Variants in TRPV5 observed in about 807,000 individuals in gnomAD.
TRPV5 encodes calcium transport protein 2.
Under a neutral mutation model 74.1 loss-of-function variants are expected in TRPV5, and 66 were observed. The observed-to-expected ratio is 0.89, with a 90% CI of 0.73 to 1.09. The LOEUF is 1.09. TRPV5 is among the 50% of genes least tolerant of loss of function. TRPV5 has a pLI of 0.00. For missense variants in TRPV5, 936 were observed against 930.4 expected (o/e 1.01, Z -0.08); for synonymous variants, 399 against 360.7 (o/e 1.11, Z -1.20).
chr7:142,920,975 C>T (rs1008636498), intron 8 of TRPV5, among the ~76,000 whole-genome samples: 1 of 151,972 alleles, frequency 6.6e-6, no homozygotes, highest in Non-Finnish European at 1.5e-5. Flanking sequence ...CTCCCTGGTT[C>T]TCCTCATCTC....
chr7:142,924,600 G>T (rs1293595803), intron 8 of TRPV5, among the ~76,000 whole-genome samples: 1 of 151,758 alleles, frequency 6.6e-6, no homozygotes, highest in Non-Finnish European at 1.5e-5. Flanking sequence ...TCCTAGTCCA[G>T]GCTGAGCTAT....
chr7:142,909,647 C>A, intron 13 of TRPV5, 51 bp from the exon 14 acceptor site: 1 of 1,584,826 alleles, frequency 6.3e-7, no homozygotes, highest in Non-Finnish European at 8.6e-7. Flanking sequence ...CCATGAGGTT[C>A]AAAGAGGCAC....
chr7:142,927,642 A>T (rs769663173), intron 7 of TRPV5, among the ~76,000 whole-genome samples: 8 of 152,162 alleles, frequency 5.3e-5, no homozygotes, highest in Non-Finnish European at 1.2e-4. Flanking sequence ...ACACTTTTAA[A>T]CAACCGGATC....
Position 142,914,635 on chromosome 7 carries a change from C to T in TRPV5, c.1519+5G>A, listed in dbSNP as rs981936252. On this transcript the variant is annotated splice_donor_5th_base_variant and intron_variant, in intron 12 of 14. Transcript: ENST00000265310. ...GATCTAGTAGAGGAGTGTATGGTGC[C>T]TTACCGGAGGCAAATCCCAAGATGA... 1.2e-6 allele frequency: 2 copies of T among 1,612,660 alleles called. No homozygotes were observed. Among genetic ancestry groups the T allele is most frequent in the Middle Eastern group, 1.6e-4 (1 of 6,062 alleles).
chr7:142,930,552 G>A lies in TRPV5; in HGVS notation c.129-106C>T, dbSNP rs577252078. On this transcript the variant is annotated intron_variant, in intron 1 of 14. Transcript: ENST00000265310. ...TTAAGACCAACGTGACTCACACAGC[G>A]TGCAGTGACAAATTGGAAAGAAGTG... 63 of 851,192 alleles carry A rather than the reference G, an allele frequency of 7.4e-5. No homozygotes were observed. In the Admixed American group the frequency reaches 8.1e-4, roughly 11 times the overall value. The allele number at this position is 851,192 out of a possible 1,614,324, so 52.7% of individuals were successfully genotyped here.
chr7:142,932,482 C>T (rs1223350626), intron 1 of TRPV5, among the ~76,000 whole-genome samples: 2 of 152,202 alleles, frequency 1.3e-5, no homozygotes, highest in Admixed American at 6.5e-5. Context: ...AAGATGAGGA[C>T]AGCAGGGCAT....
chr7:142,927,203 C>G (rs921924180), intron 7 of TRPV5, among the ~76,000 whole-genome samples: 3 of 152,170 alleles, frequency 2.0e-5, no homozygotes, highest in South Asian at 2.1e-4. Context: ...CTGGTCTATC[C>G]AAGCCAAGTT....
At chr7:142,914,605 C>T in intron 12 of TRPV5, 35 bp downstream of exon 12, 2 of 1,573,840 alleles carry the variant, frequency 1.3e-6, no homozygotes, top group Non-Finnish European at 1.7e-6. Context: ...AGAACTAGAT[C>T]TGCTGATCTA....
chr7:142,924,307 T>C (rs1390622919), intron 8 of TRPV5, among the ~76,000 whole-genome samples: 10 of 33,200 alleles, frequency 3.0e-4, no homozygotes, highest in African/African-American at 5.6e-4. Context: ...TATACATATA[T>C]ATATACACAC....
In TRPV5 at chr7:142,933,690, G is replaced by A. The variant is rs1796142127; in HGVS notation, c.-231C>T. On this transcript the variant is annotated 5_prime_UTR_variant, in exon 1 of 15. Transcript: ENST00000265310. ...GTGTGTGGCTGTGGTGTATGTGTGT[G>A]CATGCAGTGTGTGGTTGTGAGGTGG... 1.8e-6 allele frequency: 1 copy of A among 567,288 alleles called. No homozygotes were observed. Among genetic ancestry groups the A allele is most frequent in the Non-Finnish European group, 3.1e-6 (1 of 325,892 alleles). 35.1% of individuals were successfully genotyped at this position (567,288 alleles called of 1,614,324 possible). A position where few individuals can be genotyped will look rare whatever the true frequency, so the allele number is the denominator to read the frequency against.
At position 142,912,649 on chromosome 7, in the gene TRPV5, T is replaced by G; in HGVS notation, c.1621A>C (p.Ile541Leu). Residue 541 changes from isoleucine (I) to leucine (L), a missense_variant, in exon 13 of 15, where the codon ATT (isoleucine) becomes CTT (leucine). Physicochemically the swap from Ile to Leu is conservative, Grantham distance 5. Coordinates refer to ENST00000265310, the MANE Select transcript of TRPV5 (RefSeq NM_019841.7). ...ACGTCGTAGTTGGCAGGTGCATCAA[T>G]AACAGTGAGAAAAAGCTCAAAGGTG... is the stretch of plus-strand genomic sequence containing the variant. ...FTTFELFLTVIDAPANYDVDL... is the reference protein window; with the variant it reads ...FTTFELFLTVLDAPANYDVDL... 6.2e-7 allele frequency: 1 copy of G among 1,614,188 alleles called. No individual in the cohort carries two copies. The highest frequency in any genetic ancestry group is 8.5e-7 in the Non-Finnish European group (1 of 1,180,032).
intron 8 of TRPV5, among the ~76,000 whole-genome samples, chr7:142,920,397 G>A (rs188620935): frequency 3.9e-5 from 6 of 152,270 alleles, no homozygotes; most frequent in Admixed American, 2.6e-4. Flanking sequence ...AGGAGTATCT[G>A]GGGGTATGAA....
At chr7:142,927,244 A>G (rs1263315472) in intron 7 of TRPV5, among the ~76,000 whole-genome samples, 1 of 152,182 alleles carries the variant, frequency 6.6e-6, no homozygotes, top group African/African-American at 2.4e-5. Context: ...GTCTGCATGC[A>G]TGGTACACAC....
intron 13 of TRPV5, among the ~76,000 whole-genome samples, chr7:142,912,192 A>G (rs1795711333): frequency 6.6e-6 from 1 of 152,234 alleles, no homozygotes; most frequent in Non-Finnish European, 1.5e-5. Context: ...AAACTGGAAT[A>G]TACCAGAACA....
chr7:142,911,414 A>AC (rs1269209050), intron 13 of TRPV5, among the ~76,000 whole-genome samples: 2 of 152,182 alleles, frequency 1.3e-5, no homozygotes, highest in Non-Finnish European at 2.9e-5. Flanking sequence ...CCTAATTGCT[A>AC]CTAACCTTGA....
Position 142,915,005 on chromosome 7 carries a change from C to A in TRPV5, c.1328G>T (p.Arg443Leu), listed in dbSNP as rs769618152. The A allele has an allele frequency of 6.2e-7, 1 of 1,614,004 alleles. No individual in the cohort carries two copies. Among genetic ancestry groups the A allele is most frequent in the East Asian group, 2.2e-5 (1 of 44,870 alleles). ...ASLVLVTMVM[R>L]LTNTNGEVVP... ...CACCTCCCCATTGGTGTTGGTGAGC[C>A]GCATCACCATGGTCACCAGCACCAG... is the stretch of plus-strand genomic sequence containing the variant. Residue 443 changes from arginine to leucine, a missense_variant, in exon 11 of 15, where the codon CGG (arginine) becomes CTG (leucine). By Grantham distance (102) the Arg-to-Leu change is moderately radical. Coordinates refer to ENST00000265310, the MANE Select transcript of TRPV5 (RefSeq NM_019841.7).
chr7:142,914,334 G>A lies in TRPV5; in HGVS notation c.1519+306C>T, dbSNP rs544162975. Among the ~76,000 whole-genome samples, 4 of 152,134 alleles carry A rather than the reference G, an allele frequency of 2.6e-5. No homozygotes were observed. In the East Asian group the frequency reaches 5.8e-4, roughly 22 times the overall value. On this transcript the variant is annotated intron_variant, in intron 12 of 14. Coordinates refer to ENST00000265310, the MANE Select transcript of TRPV5 (RefSeq NM_019841.7). ...GACTGGCCAGTCTTTCCTGTTTAATGCCCTGTTCTCACCAAAAGTCTTTTC... is the reference window on the plus strand; with the variant it reads ...GACTGGCCAGTCTTTCCTGTTTAATACCCTGTTCTCACCAAAAGTCTTTTC...
intron 13 of TRPV5, 150 bp downstream of exon 13, chr7:142,912,332 G>A (rs1335924008): frequency 1.7e-5 from 17 of 983,772 alleles, no homozygotes; most frequent in Non-Finnish European, 2.4e-5. Context: ...TTATCCACAT[G>A]TACCTCAGGT....
At chr7:142,929,383 C>T (rs1412760743) in intron 4 of TRPV5, 45 bp downstream of exon 4, 1 of 1,599,970 alleles carries the variant, frequency 6.3e-7, no homozygotes, top group Non-Finnish European at 8.5e-7. Context: ...TCTGCCTTGC[C>T]CGCCTCTCCA....
Sources: allele counts gnomAD v4.1 joint callset (sites outside exome capture counted in the v4.1 genomes callset), GRCh38; gene constraint gnomAD v4.1.1; transcripts MANE v1.5; gene names NCBI Gene and HGNC (gene_info 2026-07-23, HGNC 2026-07-21).